DYNLT2B: variants seen among roughly 807,000 people sequenced by gnomAD.
DYNLT2B encodes dynein light chain Tctex-type protein 2B.
In DYNLT2B, 14 loss-of-function variants were observed where a neutral mutation model predicts 19.5. The observed-to-expected ratio is 0.72, with a 90% CI of 0.47 to 1.12. The LOEUF (loss-of-function observed/expected upper bound fraction) is 1.12. Among genes scored for constraint, DYNLT2B ranks in the 50% most tolerant of loss-of-function variants. DYNLT2B has a pLI of 0.00. For synonymous variants in DYNLT2B, 70 were observed against 59.7 expected (o/e 1.17, Z -0.79); for missense variants, 133 against 174.7 (o/e 0.76, Z 1.35).
chr3:196,298,008 T>C (rs1182042033), intron 3 of DYNLT2B: 1 of 165,864 alleles, frequency 6.0e-6, no homozygotes, highest in Non-Finnish European at 1.3e-5. Context: ...TATAGTAAGA[T>C]GGCCGTGACC....
At chr3:196,297,085 C>G (rs1266521570) in intron 3 of DYNLT2B, among the ~76,000 whole-genome samples, 1 of 150,390 alleles carries the variant, frequency 6.6e-6, no homozygotes, top group Non-Finnish European at 1.5e-5. Flanking sequence ...CCCAGCTACT[C>G]AGGAGGCTGG....
At chr3:196,308,370 G>A (rs1726547888) in intron 2 of DYNLT2B, among the ~76,000 whole-genome samples, 1 of 152,108 alleles carries the variant, frequency 6.6e-6, no homozygotes, top group South Asian at 2.1e-4. Context: ...GGATCTCCAA[G>A]AAACTGTAAG....
At chr3:196,304,696 A>G (rs1726443207) in intron 3 of DYNLT2B, among the ~76,000 whole-genome samples, 1 of 139,828 alleles carries the variant, frequency 7.2e-6, no homozygotes, top group Non-Finnish European at 1.6e-5. Context: ...CATCTCAAAA[A>G]AAAAACAACA....
intron 4 of DYNLT2B, among the ~76,000 whole-genome samples, chr3:196,293,932 C>T (rs934362934): frequency 3.3e-5 from 5 of 151,394 alleles, no homozygotes; most frequent in Admixed American, 6.6e-5. Flanking sequence ...CATGAGCCAC[C>T]GTGCCTGGCA....
At chr3:196,308,321 G>A (rs1224006827) in intron 2 of DYNLT2B, among the ~76,000 whole-genome samples, 1 of 152,036 alleles carries the variant, frequency 6.6e-6, no homozygotes, top group East Asian at 1.9e-4. Flanking sequence ...CTCCCCACAC[G>A]TCCGAGAACG....
At chr3:196,296,315 A>T (rs1726221520) in intron 3 of DYNLT2B, 1 of 424,834 alleles carries the variant, frequency 2.4e-6, no homozygotes, top group African/African-American at 2.0e-5. Flanking sequence ...ACAGCCTCAG[A>T]CCCTACCTGA....
chr3:196,314,209 G>A (rs928459799), intron 2 of DYNLT2B, among the ~76,000 whole-genome samples: 2 of 151,094 alleles, frequency 1.3e-5, no homozygotes, highest in African/African-American at 2.4e-5. Flanking sequence ...CTTCTAAGAA[G>A]AGCAGATGGA....
chr3:196,313,919 G>A (rs1726704556), intron 2 of DYNLT2B, among the ~76,000 whole-genome samples: 1 of 151,970 alleles, frequency 6.6e-6, no homozygotes, highest in African/African-American at 2.4e-5. Context: ...CCAACATGGA[G>A]AAACCCCGTC....
At chr3:196,298,268 A>C (rs1007431020) in intron 3 of DYNLT2B, 2 of 188,750 alleles carry the variant, frequency 1.1e-5, no homozygotes, top group African/African-American at 4.7e-5. Context: ...TTGTTTTTTG[A>C]GACAAAAATA....
intron 1 of DYNLT2B, among the ~76,000 whole-genome samples, chr3:196,317,073 G>A (rs540777009): frequency 0.015 from 1,923 of 126,956 alleles, 96 homozygotes; most frequent in African/African-American, 0.052. Flanking sequence ...GTGTGTGTGT[G>A]TGTGTGTGTG....
chr3:196,301,213 C>T (rs1726344910), intron 3 of DYNLT2B, among the ~76,000 whole-genome samples: 1 of 152,182 alleles, frequency 6.6e-6, no homozygotes, highest in Non-Finnish European at 1.5e-5. Flanking sequence ...GCGGCCAATA[C>T]TCTTCCTGCA....
intron 2 of DYNLT2B, among the ~76,000 whole-genome samples, chr3:196,310,745 GT>G (rs1254198961): frequency 2.7e-5 from 4 of 150,060 alleles, no homozygotes; most frequent in African/African-American, 9.8e-5. Flanking sequence ...TTTTGTTTTT[GT>G]TTTTTTGGAG....
At chr3:196,296,099 A>G in intron 3 of DYNLT2B, 30 bp from the exon 4 acceptor site, 2 of 1,596,222 alleles carry the variant, frequency 1.3e-6, no homozygotes, top group Non-Finnish European at 1.7e-6. Context: ...AGAATTATCA[A>G]CAATCTAACA....
chr3:196,311,359 C>A (rs956320009), intron 2 of DYNLT2B, among the ~76,000 whole-genome samples: 1 of 151,176 alleles, frequency 6.6e-6, no homozygotes, highest in Non-Finnish European at 1.5e-5. Context: ...CAAGACTGCG[C>A]CACTGCATTC....
chr3:196,303,586 C>T (rs1234855268), intron 3 of DYNLT2B, among the ~76,000 whole-genome samples: 1 of 152,108 alleles, frequency 6.6e-6, no homozygotes, highest in Non-Finnish European at 1.5e-5. Context: ...TAACCTCAGA[C>T]TAATCATTAG....
At chr3:196,306,677 T>C (rs1408514249) in intron 3 of DYNLT2B, among the ~76,000 whole-genome samples, 1 of 151,944 alleles carries the variant, frequency 6.6e-6, no homozygotes, top group Non-Finnish European at 1.5e-5. Context: ...GCCTCCTGAG[T>C]AGCTGGGACT....
intron 4 of DYNLT2B, among the ~76,000 whole-genome samples, chr3:196,294,328 C>G (rs1429822809): frequency 1.3e-5 from 2 of 152,096 alleles, no homozygotes; most frequent in African/African-American, 4.8e-5. Context: ...TCCTGGGCAA[C>G]AAGAGCAAAA....
intron 1 of DYNLT2B, among the ~76,000 whole-genome samples, chr3:196,317,549 G>C (rs1726908055): frequency 6.6e-6 from 1 of 151,652 alleles, no homozygotes; most frequent in Admixed American, 6.6e-5. Flanking sequence ...GCTCTGGCCC[G>C]TGAGCCTTAA....
chr3:196,306,644 G>A lies in DYNLT2B; in HGVS notation c.317+299C>T, dbSNP rs1026017507. On this transcript the variant is annotated intron_variant, in intron 3 of 4. Coordinates refer to ENST00000325318, the MANE Select transcript of DYNLT2B (RefSeq NM_152773.5). The stretch of plus-strand genomic sequence containing the variant: ...GCTCACTGCAACCTCCACCTCCTGC[G>A]TTGAAGTGATTCTCCTGCCTCAGCC... Among the ~76,000 whole-genome samples, 17 of 152,012 alleles carry A rather than the reference G, an allele frequency of 1.1e-4. No individual in the cohort carries two copies. The East Asian group carries it at 1.5e-3, about 14-fold the overall frequency.
Sources: gnomAD v4.1 joint callset for allele counts (sites outside exome capture counted in the v4.1 genomes callset) on GRCh38, gnomAD v4.1.1 for gene constraint, MANE v1.5 for transcripts, NCBI Gene and HGNC (gene_info 2026-07-23, HGNC 2026-07-21) for gene names.